The following MED22 variants were observed in gnomAD, a reference collection of about 807,000 sequenced individuals.
MED22 encodes mediator complex subunit 22.
MED22 carries 22 observed loss-of-function variants against 22.7 expected under a neutral mutation model. The observed-to-expected ratio is 0.97, with a 90% CI of 0.69 to 1.38. MED22 has a LOEUF of 1.38. MED22 is among the 40% of genes most tolerant of loss of function. The pLI is 0.00. For missense variants in MED22, 247 were observed against 263.0 expected (o/e 0.94, Z 0.42); for synonymous variants, 134 against 119.4 (o/e 1.12, Z -0.80).
intron 4 of MED22, chr9:133,342,539 G>A: frequency 2.0e-6 from 2 of 986,136 alleles, no homozygotes; most frequent in Non-Finnish European, 2.4e-6. Flanking sequence ...CAGAGGCGCA[G>A]CTCATGCGGA....
intron 3 of MED22, among the ~76,000 whole-genome samples, 181 bp from the exon 4 acceptor site, chr9:133,344,514 T>G (rs1836124732): frequency 6.6e-6 from 1 of 152,226 alleles, no homozygotes; most frequent in African/African-American, 2.4e-5. Flanking sequence ...AAAACTGGGA[T>G]GTCAGTTCTG....
At chr9:133,346,968 G>A (rs1836204326) in intron 1 of MED22, among the ~76,000 whole-genome samples, 4 of 152,228 alleles carry the variant, frequency 2.6e-5, no homozygotes, top group African/African-American at 9.6e-5. Context: ...TCACGTCCAG[G>A]CCCACAGCGT....
intron 4 of MED22, chr9:133,342,419 C>T (rs1588678380): frequency 2.0e-6 from 2 of 985,886 alleles, no homozygotes; most frequent in East Asian, 1.1e-4. Flanking sequence ...CTCCTGCCCT[C>T]AGTGTTCAGT....
At chr9:133,342,105 GCT>G (rs2119057845) in intron 4 of MED22, 1 of 1,044,862 alleles carries the variant, frequency 9.6e-7, no homozygotes, top group South Asian at 3.0e-5. Flanking sequence ...ACTGCAAAGA[GCT>G]CTCTGAGGGC....
chr9:133,344,470 A>G, intron 3 of MED22, 137 bp from the exon 4 acceptor site: 1 of 786,014 alleles, frequency 1.3e-6, no homozygotes, highest in Non-Finnish European at 2.1e-6. Flanking sequence ...TCTACCCCTG[A>G]CCTCCACAGG....
At chr9:133,342,057 T>C in intron 4 of MED22, 3 of 1,095,446 alleles carry the variant, frequency 2.7e-6, no homozygotes, top group Non-Finnish European at 3.3e-6. Flanking sequence ...CTGGCCACCC[T>C]CCCTCCTCCC....
intron 3 of MED22, among the ~76,000 whole-genome samples, chr9:133,344,796 T>C (rs1836134484): frequency 6.6e-6 from 1 of 152,144 alleles, no homozygotes. Context: ...TCCGAAGGAA[T>C]CCAATGGCGC....
chr9:133,343,393 A>G (rs2129956555), intron 4 of MED22: 1 of 1,228,216 alleles, frequency 8.1e-7, no homozygotes, highest in East Asian at 3.2e-5. Context: ...AATGATACGT[A>G]GACTCTGATT....
rs2129968967 is a variant in MED22, at chr9:133,346,592, TC to T, written c.70del (p.Asp24ThrfsTer52). The part of the protein sequence containing the change: ...LLQSYNKRLK[D>X]DIKSIMDNFT... ...GTTGTCCATGATGGACTTAATGTCGTCCTTCAGCCGCTTGTTGTAGGACTGC... is the reference window on the plus strand; with the variant it reads ...GTTGTCCATGATGGACTTAATGTCGTCTTCAGCCGCTTGTTGTAGGACTGC... On this transcript the variant is annotated frameshift_variant, in exon 2 of 5. Transcript: ENST00000343730. LOFTEE classifies it high-confidence loss of function. The T allele has an allele frequency of 1.2e-6, 2 of 1,613,082 alleles. No individual in the cohort carries two copies. The highest frequency in any genetic ancestry group is 1.7e-6 in the Non-Finnish European group (2 of 1,180,006).
rs1301815784 is a variant in MED22, at chr9:133,347,953, T to TC, written c.-71dup. 7.1e-6 allele frequency: 2 copies of TC among 281,362 alleles called. No homozygotes were observed. Among genetic ancestry groups the TC allele is most frequent in the Non-Finnish European group, 1.4e-5 (2 of 145,414 alleles). The allele number at this position is 281,362 out of a possible 1,614,324, so 17.4% of individuals were successfully genotyped here. Reference sequence around the variant, plus strand: ...CAGCGCCCGCACACCAGACGCCGCGTCCGCCGGGTCGGCCTAGGGCGGGGT... The same window carrying TC: ...CAGCGCCCGCACACCAGACGCCGCGTCCCGCCGGGTCGGCCTAGGGCGGGGT... On this transcript the variant is annotated 5_prime_UTR_variant, in exon 1 of 5. Transcript: ENST00000343730.
chr9:133,348,010 G>A lies in MED22; in HGVS notation c.-127C>T. The A allele has an allele frequency of 3.4e-6, 2 of 592,524 alleles. No individual in the cohort carries two copies. The highest frequency in any genetic ancestry group is 3.0e-6 in the Non-Finnish European group (1 of 333,488). The allele number at this position is 592,524 out of a possible 1,614,324, so 36.7% of individuals were successfully genotyped here. A position where few individuals can be genotyped will look rare whatever the true frequency, so the allele number is the denominator to read the frequency against. On this transcript the variant is annotated 5_prime_UTR_variant, in exon 1 of 5. Coordinates refer to ENST00000343730, the MANE Select transcript of MED22 (RefSeq NM_133640.5). ...GTGCCTCTGCGACCCGCACTTTCCC[G>A]CGTCTCTCCCACGGCCTGGCCCTCC...
chr9:133,343,852 G>A (rs1293121961), intron 4 of MED22: 2 of 1,413,844 alleles, frequency 1.4e-6, no homozygotes, highest in Non-Finnish European at 1.8e-6. Flanking sequence ...ATACAGCCAG[G>A]CGCCTCCCTT....
chr9:133,341,776 A>G (rs1564338874), intron 4 of MED22, 82 bp from the exon 5 acceptor site: 35 of 1,547,626 alleles, frequency 2.3e-5, no homozygotes, highest in Non-Finnish European at 2.9e-5. Flanking sequence ...AGACAGAAGC[A>G]GAGTTAAGAA....
In MED22 at chr9:133,344,913, C is replaced by T. The variant is rs2129963178; in HGVS notation, c.204+259G>A. ...TTCTGGCCACTGCACGGCTACAGGACGGGCATGGGTGGCTCTCTGCCCAGC... is the reference window on the plus strand; with the variant it reads ...TTCTGGCCACTGCACGGCTACAGGATGGGCATGGGTGGCTCTCTGCCCAGC... On this transcript the variant is annotated intron_variant, in intron 3 of 4. Coordinates refer to ENST00000343730, the MANE Select transcript of MED22 (RefSeq NM_133640.5). Among the ~76,000 whole-genome samples the T allele has an allele frequency of 5.3e-5, 8 of 152,342 alleles. No homozygotes were observed. The South Asian group carries it at 6.2e-4, about 12-fold the overall frequency.
At chr9:133,343,937 C>A (rs1296659427) in intron 4 of MED22, 188 bp downstream of exon 4, 1 of 1,444,214 alleles carries the variant, frequency 6.9e-7, no homozygotes, top group Non-Finnish European at 9.1e-7. Flanking sequence ...AGGCCCAGGG[C>A]CCTGGCATAT....
chr9:133,339,099 G>T lies in MED22; in HGVS notation c.*2406C>A. On this transcript the variant is annotated 3_prime_UTR_variant, in exon 5 of 5. Coordinates refer to ENST00000343730, the MANE Select transcript of MED22 (RefSeq NM_133640.5). The stretch of plus-strand genomic sequence containing the variant: ...AAGTATATGCAAATTGATGAGAAAG[G>T]TGATATTGTAGATATCAAGGGAATG... 1.5e-6 allele frequency: 1 copy of T among 676,436 alleles called. No homozygotes were observed. The highest frequency in any genetic ancestry group is 1.4e-5 in the South Asian group (1 of 73,410). 41.9% of individuals were successfully genotyped at this position (676,436 alleles called of 1,614,324 possible). A position where few individuals can be genotyped will look rare whatever the true frequency, so the allele number is the denominator to read the frequency against.
chr9:133,345,133 C>T, intron 3 of MED22, 39 bp downstream of exon 3: 1 of 1,604,266 alleles, frequency 6.2e-7, no homozygotes, highest in East Asian at 2.2e-5. Context: ...GACTGATGCT[C>T]TTGGAGCCCA....
chr9:133,345,739 C>T (rs2129966104), intron 2 of MED22, among the ~76,000 whole-genome samples: 1 of 152,214 alleles, frequency 6.6e-6, no homozygotes, highest in South Asian at 2.1e-4. Context: ...GAAGCCTGGC[C>T]TGCCACCCCT....
rs898591147 is a variant in MED22 at position 133,340,723 on chromosome 9, G to C, written c.*782C>G. On this transcript the variant is annotated 3_prime_UTR_variant, in exon 5 of 5. Transcript: ENST00000343730. ...GATGCCAGCAGAGGCACAGGTGCCT[G>C]GATGTGCAATGATGGCAGCAGGTCC... is the stretch of plus-strand genomic sequence containing the variant. 1 of 152,236 alleles carries C rather than the reference G, an allele frequency of 6.6e-6. No homozygotes were observed. The highest frequency in any genetic ancestry group is 1.5e-5 in the Non-Finnish European group (1 of 68,062). The allele number at this position is 152,236 out of a possible 1,614,324, so 9.4% of individuals were successfully genotyped here.
Sources: allele counts gnomAD v4.1 joint callset (sites outside exome capture counted in the v4.1 genomes callset), GRCh38; gene constraint gnomAD v4.1.1; transcripts MANE v1.5; gene names NCBI Gene and HGNC (gene_info 2026-07-23, HGNC 2026-07-21).